The following CAMTA1 variants were observed in gnomAD, a reference collection of about 807,000 sequenced individuals.
CAMTA1 encodes the protein calmodulin binding transcription activator 1, also known as calmodulin-binding transcription activator 1.
In CAMTA1, 27 loss-of-function variants were observed where a neutral mutation model predicts 170.9. That is an observed-to-expected ratio of 0.16 (90% CI 0.12 to 0.22). CAMTA1 has a LOEUF of 0.22. Ranked by LOEUF, CAMTA1 falls within the 10% of genes least tolerant of loss-of-function variation. The pLI is 1.00. For synonymous variants in CAMTA1, 833 were observed against 891.5 expected (o/e 0.93, Z 1.17); for missense variants, 1,619 against 2,217.2 (o/e 0.73, Z 5.42).
At chr1:6,820,958 A>C (rs550096939) in intron 2 of CAMTA1, among the ~76,000 whole-genome samples, 2 of 152,134 alleles carry the variant, frequency 1.3e-5, no homozygotes, top group Non-Finnish European at 2.9e-5. Flanking sequence ...TTTTAGATTG[A>C]AAATGTAAAT....
At chr1:6,891,180 A>C (rs1250031601) in intron 3 of CAMTA1, among the ~76,000 whole-genome samples, 1 of 152,190 alleles carries the variant, frequency 6.6e-6, no homozygotes, top group Non-Finnish European at 1.5e-5. Context: ...TTCATTTGAC[A>C]ATAATCCCAT....
rs76712513 is a variant in CAMTA1, at chr1:7,740,775, A to G, written c.4182+2293A>G. Among the ~76,000 whole-genome samples the G allele has an allele frequency of 6.9e-3, 1,044 of 152,356 alleles. 13 individuals carry two copies. Among genetic ancestry groups the G allele is most frequent in the African/African-American group, 0.024 (1,000 of 41,580 alleles). On this transcript the variant is annotated intron_variant, in intron 16 of 22. Transcript: ENST00000303635. ...CCATTGGATAGAGCAGCTTTTTGAA[A>G]GTGGCCTTCACTGAAACAGAGTTCA...
At chr1:6,889,350 ATT>A (rs1674017288) in intron 3 of CAMTA1, among the ~76,000 whole-genome samples, 1 of 152,248 alleles carries the variant, frequency 6.6e-6, no homozygotes, top group Non-Finnish European at 1.5e-5. Context: ...ACAAATCTGT[ATT>A]TATAGTTTCA....
chr1:7,517,066 CT>C (rs2094296920), intron 6 of CAMTA1, among the ~76,000 whole-genome samples: 1 of 152,210 alleles, frequency 6.6e-6, no homozygotes, highest in African/African-American at 2.4e-5. Context: ...CCACTGCTAT[CT>C]TGTAATCTAC....
intron 6 of CAMTA1, among the ~76,000 whole-genome samples, chr1:7,515,095 C>T (rs112245970): frequency 6.6e-6 from 1 of 151,440 alleles, no homozygotes; most frequent in Admixed American, 6.6e-5. Flanking sequence ...GCTCCCTCCA[C>T]CTGGGATCAT....
chr1:6,786,434 G>C (rs1186581299), intron 1 of CAMTA1, among the ~76,000 whole-genome samples: 3 of 152,150 alleles, frequency 2.0e-5, no homozygotes, highest in Non-Finnish European at 4.4e-5. Context: ...CCTTGGCACA[G>C]GGGTCCGTCT....
Position 7,664,505 on chromosome 1 carries a change from C to A in CAMTA1, c.1958C>A (p.Ser653Tyr). The A allele has an allele frequency of 6.2e-7, 1 of 1,613,310 alleles. No homozygotes were observed. The highest frequency in any genetic ancestry group is 8.5e-7 in the Non-Finnish European group (1 of 1,180,046). Residue 653 changes from serine (S) to tyrosine (Y), a missense_variant, in exon 9 of 23, where the codon TCC becomes TAC. This residue lies in a region of CAMTA1 where 731 missense variants were observed against 907.6 expected (regional missense o/e 0.81). Transcript: ENST00000303635. The part of the protein sequence containing the change: ...VMPTVKTEAS[S>Y]QTSSCSGHVE... The stretch of plus-strand genomic sequence containing the variant: ...CCCACGGTGAAAACGGAGGCCTCGT[C>A]CCAAACCAGCTCCTGCAGCGGTCAC...
chr1:7,345,492 G>T (rs2084159885), intron 5 of CAMTA1, among the ~76,000 whole-genome samples: 1 of 152,212 alleles, frequency 6.6e-6, no homozygotes, highest in African/African-American at 2.4e-5. Flanking sequence ...GGCCCATCCT[G>T]ATAGCCTTTT....
chr1:7,111,811 G>T (rs557725690), intron 4 of CAMTA1, among the ~76,000 whole-genome samples: 8 of 151,790 alleles, frequency 5.3e-5, no homozygotes, highest in African/African-American at 1.9e-4. Context: ...CTTGAACCCG[G>T]GAGGTGCAGG....
chr1:7,598,792 T>A (rs1401429496), intron 6 of CAMTA1, among the ~76,000 whole-genome samples: 1 of 152,226 alleles, frequency 6.6e-6, no homozygotes, highest in African/African-American at 2.4e-5. Flanking sequence ...GGTTGTTTGT[T>A]TTTTTCTTGT....
intron 5 of CAMTA1, among the ~76,000 whole-genome samples, chr1:7,364,051 C>T (rs2085775147): frequency 6.6e-6 from 1 of 152,178 alleles, no homozygotes; most frequent in African/African-American, 2.4e-5. Flanking sequence ...TCCAGGGTAG[C>T]TCATGGGTTA....
intron 5 of CAMTA1, among the ~76,000 whole-genome samples, chr1:7,407,143 C>T (rs1462218791): frequency 6.6e-6 from 1 of 152,238 alleles, no homozygotes; most frequent in African/African-American, 2.4e-5. Flanking sequence ...GTTCTGGTGC[C>T]ATCGCCGCTC....
At chr1:7,005,800 A>G (rs1468573493) in intron 3 of CAMTA1, among the ~76,000 whole-genome samples, 1 of 152,254 alleles carries the variant, frequency 6.6e-6, no homozygotes, top group Non-Finnish European at 1.5e-5. Flanking sequence ...GTTTCTGGCT[A>G]GAGCTACTTT....
chr1:7,078,025 T>C (rs1639538171), intron 3 of CAMTA1, among the ~76,000 whole-genome samples: 1 of 152,230 alleles, frequency 6.6e-6, no homozygotes, highest in Non-Finnish European at 1.5e-5. Flanking sequence ...CACTCTGATA[T>C]AAATTCCTGA....
At chr1:7,568,644 C>T (rs2095079354) in intron 6 of CAMTA1, among the ~76,000 whole-genome samples, 1 of 150,462 alleles carries the variant, frequency 6.6e-6, no homozygotes, top group South Asian at 2.1e-4. Context: ...ATCACCACCA[C>T]CATCCATCAA....
chr1:7,120,546 A>T (rs769275363), intron 4 of CAMTA1, among the ~76,000 whole-genome samples: 21 of 152,190 alleles, frequency 1.4e-4, no homozygotes, highest in Admixed American at 4.6e-4. Context: ...TGAACAAATC[A>T]CAGAAGTACT....
At chr1:7,284,194 T>TC (rs1272614016) in intron 5 of CAMTA1, among the ~76,000 whole-genome samples, 14 of 141,336 alleles carry the variant, frequency 9.9e-5, no homozygotes, top group African/African-American at 3.8e-4. Flanking sequence ...TTATTATTAT[T>TC]ATTATTATTA....
At chr1:7,291,181 A>G (rs981221806) in intron 5 of CAMTA1, among the ~76,000 whole-genome samples, 11 of 152,264 alleles carry the variant, frequency 7.2e-5, no homozygotes, top group African/African-American at 2.6e-4. Context: ...TCCATGACAG[A>G]CACAGTACCC....
chr1:7,495,925 G>A (rs1003665799), intron 6 of CAMTA1, among the ~76,000 whole-genome samples: 1 of 152,206 alleles, frequency 6.6e-6, no homozygotes, highest in Non-Finnish European at 1.5e-5. Flanking sequence ...CCAGGGTCCT[G>A]TCTTGGTCTT....
Sources: gnomAD v4.1 joint callset for allele counts (sites outside exome capture counted in the v4.1 genomes callset) on GRCh38, gnomAD v4.1.1 for gene constraint, gnomAD v4.1.1 regional missense constraint, MANE v1.5 for transcripts, NCBI Gene and HGNC (gene_info 2026-07-23, HGNC 2026-07-21) for gene names.